PMM2: variants seen among roughly 807,000 people sequenced by gnomAD.
PMM2 encodes mannose-6-phosphate isomerase.
PMM2 carries 35 observed loss-of-function variants against 33.2 expected under a neutral mutation model. That is an observed-to-expected ratio of 1.06 (90% CI 0.81 to 1.40). PMM2 has a LOEUF of 1.40. Ranked by LOEUF, PMM2 falls within the 40% of genes most tolerant of loss-of-function variation. The pLI, the probability that PMM2 is intolerant of heterozygous loss-of-function variation, is 0.00. For synonymous variants in PMM2, 153 were observed against 114.7 expected, an observed-to-expected ratio of 1.33 and a Z score of -2.13; for missense variants, 386 against 306.0, an observed-to-expected ratio of 1.26 and a Z score of -1.95.
chr16:8,823,774 C>T (rs2060751108), intron 7 of PMM2, among the ~76,000 whole-genome samples: 1 of 152,084 alleles, frequency 6.6e-6, no homozygotes, highest in African/African-American at 2.4e-5. Flanking sequence ...CTGGGCCTGT[C>T]AAAAAGTGAC....
At position 8,846,968 on chromosome 16, in the gene PMM2, A is replaced by G. The variant is rs143778664; in HGVS notation, c.640-756A>G. On this transcript the variant is annotated intron_variant, in intron 7 of 7. Coordinates refer to ENST00000268261, the MANE Select transcript of PMM2 (RefSeq NM_000303.3). ...AACTTCCACCTCCCGAGTTCAAGCA[A>G]TTCTCCTGCCTCAGCCTCCCGAGCA... Among the ~76,000 whole-genome samples the G allele has an allele frequency of 3.6e-3, 546 of 152,150 alleles. 6 individuals carry two copies. Among genetic ancestry groups the G allele is most frequent in the East Asian group, 0.025 (129 of 5,166 alleles).
At chr16:8,847,465 G>A (rs1421210097) in intron 7 of PMM2, among the ~76,000 whole-genome samples, 4 of 151,358 alleles carry the variant, frequency 2.6e-5, no homozygotes, top group East Asian at 3.9e-4. Context: ...ACAGATCTTC[G>A]CAAGAACATC....
At chr16:8,798,017 A>G in intron 1 of PMM2, 69 bp downstream of exon 1, 2 of 1,483,182 alleles carry the variant, frequency 1.3e-6, no homozygotes, top group Non-Finnish European at 1.8e-6. Context: ...GGGGCTATCG[A>G]CCACCCAGGG....
chr16:8,838,618 T>C (rs996398950), intron 7 of PMM2, among the ~76,000 whole-genome samples: 7 of 151,806 alleles, frequency 4.6e-5, no homozygotes, highest in South Asian at 2.1e-4. Flanking sequence ...GAAGAAACAT[T>C]TGTTGTATAG....
chr16:8,798,860 A>T (rs1353141957), intron 1 of PMM2, among the ~76,000 whole-genome samples: 1 of 152,150 alleles, frequency 6.6e-6, no homozygotes, highest in East Asian at 1.9e-4. Flanking sequence ...CTTGGTGGTA[A>T]CAATGGTGTG....
At position 8,797,839 on chromosome 16, in the gene PMM2, C is replaced by T. The variant is rs114547149; in HGVS notation, c.-44C>T. 8.8e-6 allele frequency: 14 copies of T among 1,598,516 alleles called. No individual in the cohort carries two copies. The highest frequency in any genetic ancestry group is 1.7e-4 in the Middle Eastern group (1 of 6,044). On this transcript the variant is annotated 5_prime_UTR_variant, in exon 1 of 8. Transcript: ENST00000268261. ...AACCCGGAAGTTCCGGGCCGAGTTC[C>T]TCGTGCCAACGTGTCTTGTAAGGTG... is the stretch of plus-strand genomic sequence containing the variant.
At chr16:8,820,385 A>C (rs1596493562) in intron 7 of PMM2, among the ~76,000 whole-genome samples, 1 of 135,720 alleles carries the variant, frequency 7.4e-6, no homozygotes, top group African/African-American at 3.0e-5. Flanking sequence ...ACAAGGTCTC[A>C]CTCTGTCACC....
chr16:8,825,381 A>G (rs1487593476), intron 7 of PMM2, among the ~76,000 whole-genome samples: 1 of 151,980 alleles, frequency 6.6e-6, no homozygotes, highest in Non-Finnish European at 1.5e-5. Context: ...GCTGGAGTGC[A>G]GTGGCATGAT....
chr16:8,842,912 G>A (rs924638702), intron 7 of PMM2, among the ~76,000 whole-genome samples: 1 of 152,130 alleles, frequency 6.6e-6, no homozygotes, highest in African/African-American at 2.4e-5. Flanking sequence ...CAGGGAAGGA[G>A]TAGAAATGTC....
intron 4 of PMM2, chr16:8,808,829 G>T (rs2060661290): frequency 6.6e-6 from 1 of 152,254 alleles, no homozygotes; most frequent in East Asian, 1.9e-4. Flanking sequence ...CGTGGTAGAG[G>T]ACAGGCTGGG....
chr16:8,802,246 T>C (rs760574665), intron 2 of PMM2: 4 of 454,082 alleles, frequency 8.8e-6, no homozygotes, highest in Non-Finnish European at 1.8e-5. Flanking sequence ...GGTCTTCATA[T>C]TGTCCCTCTG....
At position 8,848,917 on chromosome 16, in the gene PMM2, C is replaced by T. The variant is rs2060947330; in HGVS notation, c.*1092C>T. 6.6e-6 allele frequency: 1 copy of T among 152,266 alleles called. No homozygotes were observed. The highest frequency in any genetic ancestry group is 2.1e-4 in the South Asian group (1 of 4,830). The allele number at this position is 152,266 out of a possible 1,614,324, so 9.4% of individuals were successfully genotyped here. A position where few individuals can be genotyped will look rare whatever the true frequency, so the allele number is the denominator to read the frequency against. On this transcript the variant is annotated 3_prime_UTR_variant, in exon 8 of 8. Transcript: ENST00000268261. ...GTGAAACTGGAAGGATCCCGGGTCTCAGCTAGAACACGGTGGAAGAGAACT... is the reference window on the plus strand; with the variant it reads ...GTGAAACTGGAAGGATCCCGGGTCTTAGCTAGAACACGGTGGAAGAGAACT...
At chr16:8,803,686 T>A (rs928747108) in intron 2 of PMM2, among the ~76,000 whole-genome samples, 21 of 152,206 alleles carry the variant, frequency 1.4e-4, no homozygotes, top group Admixed American at 9.2e-4. Flanking sequence ...TTAAAATTTA[T>A]TTTATTTATT....
intron 7 of PMM2, chr16:8,842,392 G>A (rs997358449): frequency 9.2e-5 from 14 of 152,216 alleles, no homozygotes; most frequent in African/African-American, 3.4e-4. Flanking sequence ...GAGAAGCGGA[G>A]GGGTGGAAAG....
chr16:8,805,452 C>T (rs574001444), intron 3 of PMM2, among the ~76,000 whole-genome samples: 1 of 152,296 alleles, frequency 6.6e-6, no homozygotes, highest in South Asian at 2.1e-4. Context: ...CCTAGAACTC[C>T]TGGGCACAGG....
rs559035881 is a variant in PMM2, at chr16:8,834,580, G to C, written c.640-13144G>C. ...GTGGGGGCAAATCTTCAAGCTTGAT[G>C]TGTAGGGAAGGGAGGGGGCCTGAAT... is the stretch of plus-strand genomic sequence containing the variant. On this transcript the variant is annotated intron_variant, in intron 7 of 7. Transcript: ENST00000268261. Among the ~76,000 whole-genome samples the C allele has an allele frequency of 2.9e-4, 44 of 152,232 alleles. No individual in the cohort carries two copies. In the East Asian group the frequency reaches 8.3e-3, roughly 29 times the overall value.
Position 8,801,782 on chromosome 16 carries a change from T to G in PMM2, c.67-17T>G. On this transcript the variant is annotated splice_polypyrimidine_tract_variant and intron_variant, in intron 1 of 7. Coordinates refer to ENST00000268261, the MANE Select transcript of PMM2 (RefSeq NM_000303.3). ...TGTGTGGCTTATGACTGTTGTATTT[T>G]CTTTCTTGAAATTTAGAAAATTACC... 2 of 1,519,894 alleles carry G rather than the reference T, an allele frequency of 1.3e-6. No homozygotes were observed. Among genetic ancestry groups the G allele is most frequent in the Non-Finnish European group, 9.1e-7 (1 of 1,100,536 alleles). 94.2% of individuals were successfully genotyped at this position (1,519,894 alleles called of 1,614,324 possible).
intron 4 of PMM2, chr16:8,808,976 T>C (rs1567159285): frequency 6.6e-6 from 1 of 152,268 alleles, no homozygotes; most frequent in Non-Finnish European, 1.5e-5. Flanking sequence ...ATTGAGATTT[T>C]GCTGTTTTTA....
Position 8,804,853 on chromosome 16 carries a change from T to G in PMM2, c.255+10T>G. On this transcript the variant is annotated intron_variant, in intron 3 of 7. Coordinates refer to ENST00000268261, the MANE Select transcript of PMM2 (RefSeq NM_000303.3). ...ACTCTTGTGTAGACAGGTAGGTTCT[T>G]GAGTATCTGAATTACTATATACTAT... 1 of 1,556,398 alleles carries G rather than the reference T, an allele frequency of 6.4e-7. No homozygotes were observed. Among genetic ancestry groups the G allele is most frequent in the East Asian group, 2.2e-5 (1 of 44,572 alleles).
Sources: allele counts gnomAD v4.1 joint callset (sites outside exome capture counted in the v4.1 genomes callset), GRCh38; gene constraint gnomAD v4.1.1; transcripts MANE v1.5; gene names NCBI Gene and HGNC (gene_info 2026-07-23, HGNC 2026-07-21).